BTC: variants seen among roughly 807,000 people sequenced by gnomAD.
The protein encoded by BTC is probetacellulin.
In BTC, 13 loss-of-function variants were observed where a neutral mutation model predicts 18.1. That is an observed-to-expected ratio of 0.72 (90% CI 0.47 to 1.14). The LOEUF (loss-of-function observed/expected upper bound fraction) is 1.14, where lower values mean the gene tolerates loss of function less well. Among genes scored for constraint, BTC ranks in the 50% most tolerant of loss-of-function variants. BTC has a pLI of 0.00. For synonymous variants in BTC, 83 were observed against 79.4 expected, an observed-to-expected ratio of 1.05 and a Z score of -0.24; for missense variants, 247 against 224.2, an observed-to-expected ratio of 1.10 and a Z score of -0.65.
intron 5 of BTC, among the ~76,000 whole-genome samples, chr4:74,747,795 T>G (rs1232021194): frequency 6.6e-6 from 1 of 152,104 alleles, no homozygotes; most frequent in Non-Finnish European, 1.5e-5. Flanking sequence ...AAAGAAAAAA[T>G]TATATAAATA....
Position 74,746,335 on chromosome 4 carries a change from G to C in BTC, c.*342C>G, listed in dbSNP as rs1724286992. 1 of 152,278 alleles carries C rather than the reference G, an allele frequency of 6.6e-6. No homozygotes were observed. The highest frequency in any genetic ancestry group is 2.4e-5 in the African/African-American group (1 of 41,414). 9.4% of individuals were successfully genotyped at this position (152,278 alleles called of 1,614,324 possible). On this transcript the variant is annotated 3_prime_UTR_variant, in exon 6 of 6. Coordinates refer to ENST00000395743, the MANE Select transcript of BTC (RefSeq NM_001729.4). ...CATGGTAAATGCTTGATAAATGGTAGCTTTATTATTAATTCAATTCCTAAG... is the reference window on the plus strand; with the variant it reads ...CATGGTAAATGCTTGATAAATGGTACCTTTATTATTAATTCAATTCCTAAG...
chr4:74,766,775 A>T (rs1425751781), intron 2 of BTC, among the ~76,000 whole-genome samples: 2 of 152,092 alleles, frequency 1.3e-5, no homozygotes, highest in Non-Finnish European at 2.9e-5. Flanking sequence ...CATTGCCCTG[A>T]TACCAAAGTT....
intron 1 of BTC, among the ~76,000 whole-genome samples, chr4:74,793,270 C>A (rs766220945): frequency 6.6e-6 from 1 of 152,096 alleles, no homozygotes; most frequent in East Asian, 1.9e-4. Flanking sequence ...TTCACTGTAC[C>A]TTTTTAGCCA....
In BTC at chr4:74,756,911, T is replaced by C. The variant is rs547277717; in HGVS notation, c.164-935A>G. Among the ~76,000 whole-genome samples the C allele has an allele frequency of 1.3e-3, 193 of 152,304 alleles. 1 individual carries two copies. The highest frequency in any genetic ancestry group is 4.2e-3 in the African/African-American group (175 of 41,578). On this transcript the variant is annotated intron_variant, in intron 2 of 5. Coordinates refer to ENST00000395743, the MANE Select transcript of BTC (RefSeq NM_001729.4). ...CACCGACATGTAAAATTTCAGTAAA[T>C]AACAATCAAGAGAAACAGAACAGAA...
intron 2 of BTC, among the ~76,000 whole-genome samples, chr4:74,765,558 A>G (rs1724879349): frequency 6.6e-6 from 1 of 152,194 alleles, no homozygotes; most frequent in Admixed American, 6.5e-5. Context: ...AGAAAGGGGC[A>G]GAAAGATTAT....
At chr4:74,752,345 A>G (rs1376432505) in intron 3 of BTC, among the ~76,000 whole-genome samples, 1 of 151,856 alleles carries the variant, frequency 6.6e-6, no homozygotes, top group African/African-American at 2.4e-5. Flanking sequence ...AAAATCTGTC[A>G]TACATAAGAC....
At chr4:74,793,165 C>T (rs1292030373) in intron 1 of BTC, among the ~76,000 whole-genome samples, 1 of 152,210 alleles carries the variant, frequency 6.6e-6, no homozygotes, top group Non-Finnish European at 1.5e-5. Context: ...TTCACTCTAC[C>T]ACTAAATTGT....
chr4:74,767,524 G>A (rs1724931805), intron 2 of BTC, among the ~76,000 whole-genome samples: 1 of 151,532 alleles, frequency 6.6e-6, no homozygotes, highest in South Asian at 2.1e-4. Flanking sequence ...TCTACAGACT[G>A]ACTATCAAAA....
intron 1 of BTC, among the ~76,000 whole-genome samples, chr4:74,780,794 G>T (rs1725297054): frequency 6.6e-6 from 1 of 151,944 alleles, no homozygotes; most frequent in African/African-American, 2.4e-5. Context: ...CAATTTTGGG[G>T]GAAAAGCTCA....
chr4:74,789,874 C>T (rs150006029), intron 1 of BTC, among the ~76,000 whole-genome samples: 5 of 152,234 alleles, frequency 3.3e-5, no homozygotes, highest in Non-Finnish European at 7.4e-5. Context: ...TCTGCTAGTG[C>T]AGTCTAACTT....
At chr4:74,765,634 C>G (rs1724881205) in intron 2 of BTC, among the ~76,000 whole-genome samples, 1 of 152,024 alleles carries the variant, frequency 6.6e-6, no homozygotes, top group African/African-American at 2.4e-5. Flanking sequence ...ATTCAGAAAA[C>G]CAACAAATTT....
intron 1 of BTC, among the ~76,000 whole-genome samples, chr4:74,781,046 A>C (rs1316223788): frequency 6.6e-6 from 1 of 152,056 alleles, no homozygotes; most frequent in African/African-American, 2.4e-5. Flanking sequence ...TAAGAACATA[A>C]GAAAACTTGA....
intron 1 of BTC, among the ~76,000 whole-genome samples, chr4:74,773,608 G>A (rs1168563053): frequency 7.1e-6 from 1 of 140,634 alleles, no homozygotes; most frequent in Admixed American, 7.2e-5. Flanking sequence ...TGGTAAGATA[G>A]ACACAAACTT....
intron 2 of BTC, among the ~76,000 whole-genome samples, chr4:74,767,520 G>A (rs1413908222): frequency 6.6e-6 from 1 of 151,706 alleles, no homozygotes; most frequent in African/African-American, 2.4e-5. Context: ...GTGATCTACA[G>A]ACTGACTATC....
At chr4:74,753,869 T>C (rs1331359902) in intron 3 of BTC, among the ~76,000 whole-genome samples, 3 of 152,224 alleles carry the variant, frequency 2.0e-5, no homozygotes, top group Non-Finnish European at 4.4e-5. Context: ...ACTTTTTATT[T>C]ATGGCATACT....
rs1724583141 is a variant in BTC at position 74,755,867 on chromosome 4, GGGCGTCTGCTC to G, written c.262_272del (p.Glu88LeufsTer5). 1.2e-6 allele frequency: 2 copies of G among 1,613,906 alleles called. No homozygotes were observed. The highest frequency in any genetic ancestry group is 2.7e-5 in the African/African-American group (2 of 74,928). ...GAGGACACTCCACTTACACACAGGA[GGGCGTCTGCTC>G]GGCCACCACGAAGCGGCATCTCCCT... is the stretch of plus-strand genomic sequence containing the variant. On this transcript the variant is annotated frameshift_variant, in exon 3 of 6. Coordinates refer to ENST00000395743, the MANE Select transcript of BTC (RefSeq NM_001729.4). LOFTEE classifies it high-confidence loss of function.
At chr4:74,755,828 T>G in intron 3 of BTC, 31 bp downstream of exon 3, 1 of 1,601,728 alleles carries the variant, frequency 6.2e-7, no homozygotes, top group Non-Finnish European at 8.6e-7. Flanking sequence ...TCTGCACCCT[T>G]TTGCTTGCTG....
intron 1 of BTC, among the ~76,000 whole-genome samples, chr4:74,779,877 T>C (rs1349315863): frequency 6.6e-6 from 1 of 152,128 alleles, no homozygotes; most frequent in Non-Finnish European, 1.5e-5. Context: ...AGACTAGGAA[T>C]ATAAATAAAG....
At chr4:74,776,427 T>A (rs780482511) in intron 1 of BTC, among the ~76,000 whole-genome samples, 1 of 152,208 alleles carries the variant, frequency 6.6e-6, no homozygotes, top group African/African-American at 2.4e-5. Flanking sequence ...GGGATAGTTT[T>A]AAAATATCAA....
Sources: allele counts gnomAD v4.1 joint callset (sites outside exome capture counted in the v4.1 genomes callset), GRCh38; gene constraint gnomAD v4.1.1; transcripts MANE v1.5; gene names NCBI Gene and HGNC (gene_info 2026-07-23, HGNC 2026-07-21).